Variants in EFCAB13 observed in about 807,000 individuals in gnomAD.
The protein encoded by EFCAB13 is EF-hand calcium-binding domain-containing protein 13.
A neutral mutation model predicts 110.2 loss-of-function variants in EFCAB13; 91 were observed. That is an observed-to-expected ratio of 0.83 (90% confidence interval 0.70 to 0.98). The LOEUF (loss-of-function observed/expected upper bound fraction) is 0.98, where lower values mean the gene tolerates loss of function less well. Among genes scored for constraint, EFCAB13 ranks in the 50% least tolerant of loss-of-function variants. The pLI is 0.00. For missense variants in EFCAB13, 968 were observed against 1,119.4 expected (o/e 0.86, Z 1.93); for synonymous variants, 323 against 369.9 (o/e 0.87, Z 1.45).
intron 4 of EFCAB13, among the ~76,000 whole-genome samples, chr17:47,331,851 T>C (rs2065321423): frequency 1.3e-5 from 2 of 152,138 alleles, no homozygotes; most frequent in Admixed American, 1.3e-4. Flanking sequence ...TCGGGCTTTT[T>C]TCACTTAATG....
chr17:47,385,292 G>A (rs1026485005), intron 14 of EFCAB13, among the ~76,000 whole-genome samples: 1 of 152,012 alleles, frequency 6.6e-6, no homozygotes, highest in African/African-American at 2.4e-5. Context: ...ATCAATCGTA[G>A]GTTTGGTCTT....
intron 14 of EFCAB13, among the ~76,000 whole-genome samples, chr17:47,391,002 CTA>C (rs2065704419): frequency 1.3e-5 from 2 of 152,040 alleles, no homozygotes; most frequent in Non-Finnish European, 1.5e-5. Context: ...CACAGTGGTA[CTA>C]TCATAGCTCA....
chr17:47,328,555 C>G (rs752369921), intron 4 of EFCAB13, among the ~76,000 whole-genome samples, 172 bp downstream of exon 4: 16 of 152,100 alleles, frequency 1.1e-4, no homozygotes, highest in Non-Finnish European at 1.8e-4. Context: ...TATTGAACTC[C>G]CATCCCTACA....
chr17:47,336,694 C>T (rs1202484284), intron 5 of EFCAB13, among the ~76,000 whole-genome samples: 1 of 151,622 alleles, frequency 6.6e-6, no homozygotes, highest in African/African-American at 2.4e-5. Flanking sequence ...CCGCCTGAGC[C>T]TCCCAAAGTG....
chr17:47,411,779 T>A (rs1016733764), intron 21 of EFCAB13, among the ~76,000 whole-genome samples: 1 of 152,022 alleles, frequency 6.6e-6, no homozygotes. Context: ...GAGGGAGAAA[T>A]TGATTGAGAA....
chr17:47,361,272 G>T, intron 9 of EFCAB13, 106 bp from the exon 10 acceptor site: 1 of 975,464 alleles, frequency 1.0e-6, no homozygotes, highest in East Asian at 2.4e-5. Flanking sequence ...ATAAAACCCT[G>T]TGCTTATACA....
At chr17:47,367,170 A>G (rs1490555924) in intron 10 of EFCAB13, among the ~76,000 whole-genome samples, 1 of 152,202 alleles carries the variant, frequency 6.6e-6, no homozygotes, top group Non-Finnish European at 1.5e-5. Context: ...AGAAACCAAA[A>G]TGTAGGAAGC....
intron 20 of EFCAB13, among the ~76,000 whole-genome samples, chr17:47,406,745 G>A (rs3883317): frequency 0.088 from 13,378 of 152,070 alleles, 846 homozygotes; most frequent in East Asian, 0.35. Context: ...AACCATATTT[G>A]ACATTTGGAC....
intron 23 of EFCAB13, among the ~76,000 whole-genome samples, chr17:47,427,979 T>C (rs989640246): frequency 2.0e-5 from 3 of 152,028 alleles, no homozygotes; most frequent in African/African-American, 7.2e-5. Flanking sequence ...GGTGTGTGTA[T>C]ATGAAAAACA....
At chr17:47,352,005 C>A (rs1393780660) in intron 9 of EFCAB13, among the ~76,000 whole-genome samples, 1 of 151,090 alleles carries the variant, frequency 6.6e-6, no homozygotes, top group Non-Finnish European at 1.5e-5. Flanking sequence ...GGGTTCACAC[C>A]ATTCTCCTGC....
chr17:47,402,728 A>G (rs2065785554), intron 18 of EFCAB13, among the ~76,000 whole-genome samples: 1 of 152,224 alleles, frequency 6.6e-6, no homozygotes, highest in Non-Finnish European at 1.5e-5. Flanking sequence ...TGAGAGGTAG[A>G]AGGAGGATTA....
chr17:47,361,245 C>T, intron 9 of EFCAB13, 133 bp from the exon 10 acceptor site: 1 of 733,294 alleles, frequency 1.4e-6, no homozygotes, highest in South Asian at 2.0e-5. Flanking sequence ...CAGTGGTTTG[C>T]TTGTAGATAA....
At chr17:47,324,247 G>A (rs1307163994) in intron 1 of EFCAB13, 173 bp downstream of exon 1, 1 of 153,046 alleles carries the variant, frequency 6.5e-6, no homozygotes, top group Non-Finnish European at 1.5e-5. Flanking sequence ...TGAGGGGACT[G>A]AGTGGGACAA....
intron 2 of EFCAB13, among the ~76,000 whole-genome samples, 190 bp downstream of exon 2, chr17:47,324,713 G>A (rs569077803): frequency 7.9e-5 from 12 of 152,076 alleles, no homozygotes; most frequent in African/African-American, 2.4e-4. Context: ...AGAGGAAAGA[G>A]GAAGGTATTT....
rs544645084 is a variant in EFCAB13 at position 47,344,439 on chromosome 17, T to C, written c.434+147T>C. The C allele has an allele frequency of 1.4e-5, 14 of 1,028,620 alleles. No homozygotes were observed. The South Asian group carries it at 2.5e-4, about 18-fold the overall frequency. 63.7% of individuals were successfully genotyped at this position (1,028,620 alleles called of 1,614,324 possible). Reference sequence around the variant, plus strand: ...GGATTGTGTAGAGATAAGAGCACTGTATATGGAATTGGAAGACTTAGATTT... The same window carrying C: ...GGATTGTGTAGAGATAAGAGCACTGCATATGGAATTGGAAGACTTAGATTT... On this transcript the variant is annotated intron_variant, in intron 7 of 24. Transcript: ENST00000331493.
chr17:47,418,612 T>C (rs942004344), intron 23 of EFCAB13, among the ~76,000 whole-genome samples: 1 of 152,238 alleles, frequency 6.6e-6, no homozygotes, highest in Non-Finnish European at 1.5e-5. Flanking sequence ...TTTTATTTTG[T>C]TGCTTCTTTG....
intron 14 of EFCAB13, among the ~76,000 whole-genome samples, chr17:47,384,422 G>A (rs796784879): frequency 1.3e-5 from 2 of 150,528 alleles, no homozygotes; most frequent in East Asian, 1.9e-4. Context: ...CTTTATATAC[G>A]ACTGTTTTTT....
At chr17:47,335,609 T>C (rs1195479871) in intron 5 of EFCAB13, among the ~76,000 whole-genome samples, 1 of 152,200 alleles carries the variant, frequency 6.6e-6, no homozygotes, top group Non-Finnish European at 1.5e-5. Context: ...AAAGAACTAC[T>C]TGAGACTACG....
intron 23 of EFCAB13, among the ~76,000 whole-genome samples, chr17:47,416,605 C>A (rs1217664378): frequency 6.6e-6 from 1 of 152,028 alleles, no homozygotes; most frequent in African/African-American, 2.4e-5. Flanking sequence ...CTCTGGTAGT[C>A]CCCACTTTCA....
Sources: gnomAD v4.1 joint callset for allele counts (sites outside exome capture counted in the v4.1 genomes callset) on GRCh38, gnomAD v4.1.1 for gene constraint, MANE v1.5 for transcripts, NCBI Gene and HGNC (gene_info 2026-07-23, HGNC 2026-07-21) for gene names.